Variants in ADAMTS19 observed in about 807,000 individuals in gnomAD.
The protein encoded by ADAMTS19 is ADAM metallopeptidase with thrombospondin type 1 motif 19, also known as A disintegrin and metalloproteinase with thrombospondin motifs 19.
In ADAMTS19, 93 loss-of-function variants were observed where a neutral mutation model predicts 153.3. The ratio of observed to expected loss-of-function variants is 0.61; its 90% CI spans 0.51 to 0.72. The LOEUF (loss-of-function observed/expected upper bound fraction) is 0.72, where lower values mean the gene tolerates loss of function less well. ADAMTS19 is among the 30% of genes least tolerant of loss of function. The pLI, the probability that ADAMTS19 is intolerant of heterozygous loss-of-function variation, is 0.00. For synonymous variants in ADAMTS19, 600 were observed against 556.6 expected (o/e 1.08, Z -1.10); for missense variants, 1,482 against 1,552.1 (o/e 0.95, Z 0.76).
At chr5:129,652,219 A>G (rs1753347725) in intron 13 of ADAMTS19, among the ~76,000 whole-genome samples, 1 of 152,234 alleles carries the variant, frequency 6.6e-6, no homozygotes, top group Non-Finnish European at 1.5e-5. Flanking sequence ...TCATCAGTCT[A>G]TATTTCAAAT....
intron 6 of ADAMTS19, among the ~76,000 whole-genome samples, chr5:129,549,145 G>T (rs952762258): frequency 2.7e-5 from 4 of 150,020 alleles, no homozygotes; most frequent in Non-Finnish European, 4.4e-5. Context: ...CCTGCACATT[G>T]TGCACATGTA....
At chr5:129,510,914 C>A (rs1751421541) in intron 3 of ADAMTS19, among the ~76,000 whole-genome samples, 1 of 150,338 alleles carries the variant, frequency 6.7e-6, no homozygotes, top group South Asian at 2.1e-4. Flanking sequence ...TGTTGACCTA[C>A]TTGGGCCAAG....
chr5:129,503,197 T>C (rs1023563248), intron 2 of ADAMTS19, among the ~76,000 whole-genome samples: 6 of 152,220 alleles, frequency 3.9e-5, no homozygotes, highest in Non-Finnish European at 7.3e-5. Context: ...CATAGCCTTA[T>C]AGGCCTCGTA....
At chr5:129,534,532 C>T (rs529900913) in intron 6 of ADAMTS19, among the ~76,000 whole-genome samples, 21 of 152,214 alleles carry the variant, frequency 1.4e-4, no homozygotes, top group African/African-American at 5.1e-4. Context: ...GTAACTATTC[C>T]AATCAATAGA....
intron 2 of ADAMTS19, 52 bp from the exon 3 acceptor site, chr5:129,509,025 G>A: frequency 1.4e-6 from 2 of 1,420,782 alleles, no homozygotes; most frequent in African/African-American, 1.5e-5. Context: ...GAATCTAAAA[G>A]TATTTTTTCA....
At chr5:129,610,501 C>A (rs1385259808) in intron 8 of ADAMTS19, among the ~76,000 whole-genome samples, 1 of 152,086 alleles carries the variant, frequency 6.6e-6, no homozygotes, top group East Asian at 1.9e-4. Context: ...CAAATGTTCT[C>A]ATTGTTCAAT....
intron 10 of ADAMTS19, among the ~76,000 whole-genome samples, chr5:129,634,356 G>T (rs923082212): frequency 6.6e-6 from 1 of 152,090 alleles, no homozygotes; most frequent in East Asian, 1.9e-4. Context: ...TGGCCATACT[G>T]CCCAAAGCAA....
chr5:129,722,349 C>T (rs2127202239), intron 21 of ADAMTS19, among the ~76,000 whole-genome samples: 1 of 152,192 alleles, frequency 6.6e-6, no homozygotes, highest in East Asian at 1.9e-4. Context: ...CTCTAATGAT[C>T]AGTGATGTTG....
chr5:129,583,057 C>A (rs13359075), intron 7 of ADAMTS19, among the ~76,000 whole-genome samples: 4,272 of 152,110 alleles, frequency 0.028, 198 homozygotes, highest in African/African-American at 0.097. Flanking sequence ...CTTATTTCTC[C>A]CTTCCATATT....
intron 10 of ADAMTS19, among the ~76,000 whole-genome samples, chr5:129,636,350 C>A (rs1161954614): frequency 6.6e-6 from 1 of 152,160 alleles, no homozygotes; most frequent in Non-Finnish European, 1.5e-5. Context: ...GAAGGGGAAT[C>A]TTTTTATCTT....
At chr5:129,730,911 G>A (rs1028054270) in intron 21 of ADAMTS19, among the ~76,000 whole-genome samples, 1 of 150,620 alleles carries the variant, frequency 6.6e-6, no homozygotes, top group Non-Finnish European at 1.5e-5. Flanking sequence ...AGCTGGATTT[G>A]AGATAGTGTT....
chr5:129,595,883 A>G (rs1043021570), intron 7 of ADAMTS19, among the ~76,000 whole-genome samples: 8 of 152,040 alleles, frequency 5.3e-5, no homozygotes, highest in African/African-American at 1.9e-4. Context: ...ACTAAAGAAT[A>G]TCAAGGAGTT....
At chr5:129,615,389 G>C (rs962080240) in intron 8 of ADAMTS19, among the ~76,000 whole-genome samples, 1 of 151,942 alleles carries the variant, frequency 6.6e-6, no homozygotes, top group Non-Finnish European at 1.5e-5. Context: ...TTGCTTTCCA[G>C]AATTTTAAGT....
chr5:129,669,573 G>A (rs1028941490), intron 16 of ADAMTS19, among the ~76,000 whole-genome samples: 3 of 151,772 alleles, frequency 2.0e-5, no homozygotes, highest in African/African-American at 7.3e-5. Flanking sequence ...CTTTTGTTTT[G>A]TTGATTTTTC....
intron 16 of ADAMTS19, among the ~76,000 whole-genome samples, chr5:129,674,521 C>T (rs1754469280): frequency 6.6e-6 from 1 of 151,942 alleles, no homozygotes; most frequent in Non-Finnish European, 1.5e-5. Flanking sequence ...TTTACTATTC[C>T]AGTGTCTTCT....
chr5:129,704,818 C>T (rs1309134173), intron 21 of ADAMTS19, among the ~76,000 whole-genome samples: 1 of 151,918 alleles, frequency 6.6e-6, no homozygotes, highest in Non-Finnish European at 1.5e-5. Flanking sequence ...GTCATTTTCC[C>T]ACCAATTTTG....
At chr5:129,610,894 A>G (rs2126953734) in intron 8 of ADAMTS19, among the ~76,000 whole-genome samples, 1 of 152,286 alleles carries the variant, frequency 6.6e-6, no homozygotes, top group Admixed American at 6.5e-5. Flanking sequence ...GAACTAGTTT[A>G]CAGTCCCACC....
At chr5:129,714,775 T>G (rs1255695133) in intron 21 of ADAMTS19, among the ~76,000 whole-genome samples, 1 of 152,324 alleles carries the variant, frequency 6.6e-6, no homozygotes, top group East Asian at 1.9e-4. Flanking sequence ...AGCAAAAATT[T>G]TCCTTATGAA....
chr5:129,675,258 T>C (rs1288374105), intron 16 of ADAMTS19, among the ~76,000 whole-genome samples: 1 of 152,216 alleles, frequency 6.6e-6, no homozygotes, highest in East Asian at 1.9e-4. Flanking sequence ...GGCTTAGATT[T>C]CATTGCATTT....
Sources: allele counts gnomAD v4.1 joint callset (sites outside exome capture counted in the v4.1 genomes callset), GRCh38; gene constraint gnomAD v4.1.1; transcripts MANE v1.5; gene names NCBI Gene and HGNC (gene_info 2026-07-23, HGNC 2026-07-21).